DAD1: variants seen among roughly 807,000 people sequenced by gnomAD.
DAD1 encodes the protein defender against cell death 1, also known as dolichyl-diphosphooligosaccharide--protein glycosyltransferase subunit DAD1.
A neutral mutation model predicts 9.0 loss-of-function variants in DAD1; 4 were observed. The observed-to-expected ratio is 0.44, with a 90% CI of 0.22 to 1.01. DAD1 has a LOEUF of 1.01. Ranked by LOEUF, DAD1 falls within the 50% of genes least tolerant of loss-of-function variation. DAD1 has a pLI of 0.24. For synonymous variants in DAD1, 60 were observed against 62.5 expected (o/e 0.96, Z 0.19); for missense variants, 119 against 137.3 (o/e 0.87, Z 0.67).
chr14:22,565,246 C>G, intron 2 of DAD1, 109 bp from the exon 3 acceptor site: 1 of 622,454 alleles, frequency 1.6e-6, no homozygotes, highest in South Asian at 1.8e-5. Context: ...TTCCCACACT[C>G]AGGACAATAT....
At chr14:22,581,507 C>T (rs559483345) in intron 1 of DAD1, among the ~76,000 whole-genome samples, 1 of 151,926 alleles carries the variant, frequency 6.6e-6, no homozygotes, top group East Asian at 1.9e-4. Flanking sequence ...TTTGGGAGGT[C>T]GAGGCGGGTG....
chr14:22,586,174 TG>T (rs1399928440), intron 1 of DAD1, among the ~76,000 whole-genome samples: 2 of 135,320 alleles, frequency 1.5e-5, no homozygotes, highest in Non-Finnish European at 1.5e-5. Context: ...CACTCCAGCC[TG>T]GGGGACAGAG....
intron 1 of DAD1, among the ~76,000 whole-genome samples, chr14:22,586,768 T>A (rs1006838482): frequency 5.3e-5 from 8 of 152,160 alleles, no homozygotes; most frequent in Non-Finnish European, 1.0e-4. Context: ...AAATTTCCCA[T>A]TAAAACCAGT....
intron 1 of DAD1, among the ~76,000 whole-genome samples, chr14:22,579,220 C>CA (rs5807179): frequency 0.14 from 17,707 of 123,746 alleles, 1,130 homozygotes; most frequent in South Asian, 0.21. Context: ...TCACCATTGA[C>CA]AAAAAAAAAA....
chr14:22,586,589 C>G (rs1198173780), intron 1 of DAD1, among the ~76,000 whole-genome samples: 1 of 152,104 alleles, frequency 6.6e-6, no homozygotes, highest in Non-Finnish European at 1.5e-5. Context: ...CATCTAGCAC[C>G]CAGCACTACC....
intron 2 of DAD1, among the ~76,000 whole-genome samples, chr14:22,566,490 C>T (rs1438311064): frequency 6.6e-6 from 1 of 152,190 alleles, no homozygotes; most frequent in African/African-American, 2.4e-5. Flanking sequence ...TGTGCCACCA[C>T]ACCCAGCTAA....
At chr14:22,570,999 T>C (rs911013120) in intron 2 of DAD1, among the ~76,000 whole-genome samples, 2 of 143,328 alleles carry the variant, frequency 1.4e-5, no homozygotes, top group African/African-American at 2.8e-5. Flanking sequence ...ACACCTGAGA[T>C]GGACTGAGAT....
At chr14:22,567,689 C>T (rs1186348029) in intron 2 of DAD1, among the ~76,000 whole-genome samples, 1 of 152,138 alleles carries the variant, frequency 6.6e-6, no homozygotes, top group Non-Finnish European at 1.5e-5. Flanking sequence ...GTTCAATAAC[C>T]ACATGTGGCT....
intron 2 of DAD1, among the ~76,000 whole-genome samples, chr14:22,571,073 C>T (rs2037035734): frequency 6.6e-6 from 1 of 151,204 alleles, no homozygotes; most frequent in Non-Finnish European, 1.5e-5. Context: ...CCTGTAATCC[C>T]AGCACTTTGG....
At chr14:22,578,192 GAGGTGA>G (rs2139242564) in intron 1 of DAD1, among the ~76,000 whole-genome samples, 1 of 151,670 alleles carries the variant, frequency 6.6e-6, no homozygotes, top group African/African-American at 2.4e-5. Context: ...GGTGGAGGTG[GAGGTGA>G]GCCAAGATCG....
chr14:22,578,713 G>T (rs914139169), intron 1 of DAD1, among the ~76,000 whole-genome samples: 25 of 152,290 alleles, frequency 1.6e-4, no homozygotes, highest in Admixed American at 1.4e-3. Flanking sequence ...CTATGGTGCT[G>T]GTAATGTCCT....
intron 1 of DAD1, among the ~76,000 whole-genome samples, chr14:22,584,346 T>C (rs1462962205): frequency 6.6e-6 from 1 of 151,868 alleles, no homozygotes; most frequent in Non-Finnish European, 1.5e-5. Context: ...CATATCTCTC[T>C]CACACACACA....
rs538377725 is a variant in DAD1, at chr14:22,575,253, C to CA, written c.212-21dup. The CA allele has an allele frequency of 9.1e-5, 146 of 1,604,872 alleles. No homozygotes were observed. In the South Asian group the frequency reaches 1.5e-3, roughly 16 times the overall value. On this transcript the variant is annotated intron_variant, in intron 1 of 2. Coordinates refer to ENST00000250498, the MANE Select transcript of DAD1 (RefSeq NM_001344.4). Reference sequence around the variant, plus strand: ...GGCAAACTGCACAAGAAGCAAAACACAAAAAAATGATTATATAGAAGTATA... The same window carrying CA: ...GGCAAACTGCACAAGAAGCAAAACACAAAAAAAATGATTATATAGAAGTATA...
chr14:22,573,589 A>G (rs1026821248), intron 2 of DAD1, among the ~76,000 whole-genome samples: 2 of 151,696 alleles, frequency 1.3e-5, no homozygotes, highest in African/African-American at 4.8e-5. Context: ...GGGCGCCTGT[A>G]GTCCCAGCTA....
intron 1 of DAD1, among the ~76,000 whole-genome samples, chr14:22,583,984 A>G (rs1371324261): frequency 6.6e-6 from 1 of 152,146 alleles, no homozygotes; most frequent in African/African-American, 2.4e-5. Context: ...GCGAATGTAT[A>G]AGAGAAATAT....
At chr14:22,569,507 C>T (rs1322593728) in intron 2 of DAD1, among the ~76,000 whole-genome samples, 1 of 151,800 alleles carries the variant, frequency 6.6e-6, no homozygotes, top group African/African-American at 2.4e-5. Flanking sequence ...ACAATTGAGT[C>T]CAGTGGGAGA....
intron 1 of DAD1, among the ~76,000 whole-genome samples, chr14:22,585,806 TAGAAG>T (rs1186685752): frequency 6.6e-6 from 1 of 152,108 alleles, no homozygotes; most frequent in Non-Finnish European, 1.5e-5. Flanking sequence ...GCAGAGGGAA[TAGAAG>T]AGAATAGACT....
intron 2 of DAD1, chr14:22,567,254 T>A (rs1008970415): frequency 6.6e-6 from 1 of 152,238 alleles, no homozygotes; most frequent in Admixed American, 6.5e-5. Context: ...TCATTTCTAT[T>A]TGGAATCTGT....
intron 2 of DAD1, among the ~76,000 whole-genome samples, chr14:22,565,821 C>T (rs1270642085): frequency 6.6e-6 from 1 of 152,170 alleles, no homozygotes; most frequent in Non-Finnish European, 1.5e-5. Flanking sequence ...AGCCTCCCAC[C>T]TACTGGACTC....
Sources: gnomAD v4.1 joint callset for allele counts (sites outside exome capture counted in the v4.1 genomes callset) on GRCh38, gnomAD v4.1.1 for gene constraint, MANE v1.5 for transcripts, NCBI Gene and HGNC (gene_info 2026-07-23, HGNC 2026-07-21) for gene names.